UVRAG: variants seen among roughly 807,000 people sequenced by gnomAD.
UVRAG encodes UV radiation resistance associated.
A neutral mutation model predicts 78.0 loss-of-function variants in UVRAG; 19 were observed. That is an observed-to-expected ratio of 0.24 (90% CI 0.17 to 0.36). The LOEUF is 0.36. Among genes scored for constraint, UVRAG ranks in the 10% least tolerant of loss-of-function variants. The probability of loss-of-function intolerance (pLI) is 1.00; values close to 1 mark genes in which losing one functional copy is unlikely to be tolerated. For synonymous variants in UVRAG, 323 were observed against 324.6 expected (o/e 1.00, Z 0.05); for missense variants, 740 against 853.8 (o/e 0.87, Z 1.66).
At chr11:76,033,703 A>C (rs943893034) in intron 12 of UVRAG, among the ~76,000 whole-genome samples, 1 of 152,204 alleles carries the variant, frequency 6.6e-6, no homozygotes, top group Admixed American at 6.5e-5. Context: ...AAGCTGTTAC[A>C]GAAGAACAAA....
At chr11:75,834,146 C>G (rs1336100446) in intron 1 of UVRAG, among the ~76,000 whole-genome samples, 2 of 152,086 alleles carry the variant, frequency 1.3e-5, no homozygotes, top group Non-Finnish European at 2.9e-5. Flanking sequence ...AGGATATAGT[C>G]TAGGGTAGGT....
At chr11:76,107,196 C>T (rs996336439) in intron 13 of UVRAG, among the ~76,000 whole-genome samples, 1 of 152,134 alleles carries the variant, frequency 6.6e-6, no homozygotes, top group Non-Finnish European at 1.5e-5. Context: ...TTTAATATGG[C>T]AGATTTTATA....
Position 76,038,959 on chromosome 11 carries a change from T to G in UVRAG, c.1226+21979T>G, listed in dbSNP as rs149541454. ...CACATGAGAAGCCTGGCCAACACCT[T>G]GATTTTAGATTTCTTAGATCCTGAG... On this transcript the variant is annotated intron_variant, in intron 12 of 14. Coordinates refer to ENST00000356136, the MANE Select transcript of UVRAG (RefSeq NM_003369.4). Among the ~76,000 whole-genome samples, 532 of 152,312 alleles carry G rather than the reference T, an allele frequency of 3.5e-3. 3 individuals carry two copies. Among genetic ancestry groups the G allele is most frequent in the African/African-American group, 0.013 (523 of 41,572 alleles).
chr11:75,971,288 A>C (rs1052963369), intron 7 of UVRAG, among the ~76,000 whole-genome samples: 3 of 152,252 alleles, frequency 2.0e-5, no homozygotes, highest in African/African-American at 7.2e-5. Context: ...GGCAATTATG[A>C]ATAAAGTTGT....
chr11:75,842,774 G>T (rs888791285), intron 1 of UVRAG, among the ~76,000 whole-genome samples: 1 of 151,874 alleles, frequency 6.6e-6, no homozygotes, highest in African/African-American at 2.4e-5. Flanking sequence ...CCCCTTTTTC[G>T]TTGGTCTCTA....
chr11:75,907,847 G>C (rs1488039906), intron 5 of UVRAG, among the ~76,000 whole-genome samples: 1 of 151,950 alleles, frequency 6.6e-6, no homozygotes, highest in Non-Finnish European at 1.5e-5. Context: ...AAATTCCCTT[G>C]CATACCGTGT....
chr11:75,897,964 G>A (rs1407701190), intron 5 of UVRAG, among the ~76,000 whole-genome samples: 1 of 148,492 alleles, frequency 6.7e-6, no homozygotes, highest in Non-Finnish European at 1.5e-5. Flanking sequence ...CCGCCTCCTG[G>A]GTTCAAGCAA....
intron 3 of UVRAG, among the ~76,000 whole-genome samples, chr11:75,862,450 T>A (rs1312840212): frequency 2.0e-5 from 3 of 152,210 alleles, no homozygotes; most frequent in East Asian, 3.8e-4. Context: ...AATGAAAATA[T>A]CTTAGTAATG....
intron 1 of UVRAG, among the ~76,000 whole-genome samples, chr11:75,839,579 A>AT (rs1945862016): frequency 6.6e-6 from 1 of 151,146 alleles, no homozygotes; most frequent in Admixed American, 6.6e-5. Flanking sequence ...TCTTTTTTCA[A>AT]TTTTCTCTTC....
intron 8 of UVRAG, among the ~76,000 whole-genome samples, chr11:76,002,882 C>T (rs529142166): frequency 6.6e-6 from 1 of 151,984 alleles, no homozygotes; most frequent in Non-Finnish European, 1.5e-5. Flanking sequence ...TCAAGATCAG[C>T]CTGGACAACA....
chr11:75,887,784 A>C (rs1031135601), intron 4 of UVRAG, among the ~76,000 whole-genome samples: 1 of 151,872 alleles, frequency 6.6e-6, no homozygotes, highest in South Asian at 2.1e-4. Context: ...GGGTTTCGCC[A>C]TGTTGGCCAG....
chr11:75,818,430 C>T (rs1369709235), intron 1 of UVRAG, among the ~76,000 whole-genome samples: 1 of 150,968 alleles, frequency 6.6e-6, no homozygotes, highest in East Asian at 1.9e-4. Context: ...TTAAATAATA[C>T]TTTCAAAACC....
chr11:75,936,846 C>T (rs893542055), intron 6 of UVRAG, among the ~76,000 whole-genome samples: 8 of 152,126 alleles, frequency 5.3e-5, no homozygotes, highest in African/African-American at 1.9e-4. Context: ...CTGATCACAG[C>T]TCCTCAAACT....
At chr11:75,919,495 T>G (rs891965098) in intron 6 of UVRAG, among the ~76,000 whole-genome samples, 1 of 152,216 alleles carries the variant, frequency 6.6e-6, no homozygotes, top group Non-Finnish European at 1.5e-5. Flanking sequence ...ACTCTTTGAT[T>G]CTGGAATATA....
intron 12 of UVRAG, among the ~76,000 whole-genome samples, chr11:76,021,913 G>C (rs1950252167): frequency 6.6e-6 from 1 of 152,156 alleles, no homozygotes; most frequent in African/African-American, 2.4e-5. Flanking sequence ...AATTAGCTGA[G>C]CGTGGTGGTG....
At chr11:76,034,593 A>G (rs1950497405) in intron 12 of UVRAG, among the ~76,000 whole-genome samples, 1 of 152,090 alleles carries the variant, frequency 6.6e-6, no homozygotes, top group Non-Finnish European at 1.5e-5. Context: ...TATTAACATA[A>G]GGTCAATGTG....
Position 76,142,112 on chromosome 11 carries a change from C to T in UVRAG, c.*699C>T, listed in dbSNP as rs1475644129. The stretch of plus-strand genomic sequence containing the variant: ...ATGGCCTTCCCCTCCTCTGCCATAC[C>T]CTTAATGCGGCCCTCAGATTAGATG... On this transcript the variant is annotated 3_prime_UTR_variant, in exon 15 of 15. Coordinates refer to ENST00000356136, the MANE Select transcript of UVRAG (RefSeq NM_003369.4). 6.6e-6 allele frequency: 1 copy of T among 152,308 alleles called. No homozygotes were observed. Among genetic ancestry groups the T allele is most frequent in the East Asian group, 1.9e-4 (1 of 5,198 alleles). 9.4% of individuals were successfully genotyped at this position (152,308 alleles called of 1,614,324 possible). A position where few individuals can be genotyped will look rare whatever the true frequency, so the allele number is the denominator to read the frequency against.
chr11:75,907,118 A>G (rs1022893310), intron 5 of UVRAG, among the ~76,000 whole-genome samples: 3 of 152,286 alleles, frequency 2.0e-5, no homozygotes, highest in Middle Eastern at 3.4e-3. Context: ...TATTGTTCCT[A>G]TGTTGATAAT....
In UVRAG at chr11:75,895,736, C is replaced by G. The variant is rs115292382; in HGVS notation, c.507+6833C>G. Among the ~76,000 whole-genome samples, 373 of 151,994 alleles carry G rather than the reference C, an allele frequency of 2.5e-3. 4 individuals carry two copies. Among genetic ancestry groups the G allele is most frequent in the African/African-American group, 8.5e-3 (354 of 41,456 alleles). On this transcript the variant is annotated intron_variant, in intron 5 of 14. Transcript: ENST00000356136. The stretch of plus-strand genomic sequence containing the variant: ...AAATGATCCTCCTACCTTGGCCTCC[C>G]GAAGTGTTGGGATTACAGGCGTGAG...
Sources: gnomAD v4.1 joint callset for allele counts (sites outside exome capture counted in the v4.1 genomes callset) on GRCh38, gnomAD v4.1.1 for gene constraint, MANE v1.5 for transcripts, NCBI Gene and HGNC (gene_info 2026-07-23, HGNC 2026-07-21) for gene names.